The following SORCS1 variants were observed in gnomAD, a reference collection of about 807,000 sequenced individuals.
SORCS1 encodes the protein sortilin related VPS10 domain containing receptor 1, also known as VPS10 domain-containing receptor SorCS1.
Under a neutral mutation model 146.1 loss-of-function variants are expected in SORCS1, and 60 were observed. The ratio of observed to expected loss-of-function variants is 0.41; its 90% CI spans 0.33 to 0.51. The LOEUF is 0.51. SORCS1 is among the 20% of genes least tolerant of loss of function. SORCS1 has a pLI of 0.21. For synonymous variants in SORCS1, 637 were observed against 584.0 expected (o/e 1.09, Z -1.31); for missense variants, 1,352 against 1,487.6 (o/e 0.91, Z 1.50).
At chr10:106,916,968 C>T (rs1455594934) in intron 2 of SORCS1, among the ~76,000 whole-genome samples, 1 of 152,204 alleles carries the variant, frequency 6.6e-6, no homozygotes, top group Non-Finnish European at 1.5e-5. Flanking sequence ...GTCTCGAACT[C>T]CTGACCTCAG....
At chr10:106,986,393 G>A (rs113957281) in intron 1 of SORCS1, among the ~76,000 whole-genome samples, 82 of 152,062 alleles carry the variant, frequency 5.4e-4, no homozygotes, top group African/African-American at 1.9e-3. Flanking sequence ...TAGATATAAA[G>A]GAAACCATAC....
At chr10:106,875,025 T>A (rs1375724596) in intron 2 of SORCS1, among the ~76,000 whole-genome samples, 1 of 152,176 alleles carries the variant, frequency 6.6e-6, no homozygotes, top group East Asian at 1.9e-4. Context: ...ATGAATTATA[T>A]AGCGGTGAAT....
chr10:106,627,172 A>G (rs1308034722), intron 19 of SORCS1, among the ~76,000 whole-genome samples: 1 of 152,140 alleles, frequency 6.6e-6, no homozygotes, highest in East Asian at 1.9e-4. Context: ...AGACACCTCA[A>G]GGGGTATGAT....
At chr10:107,082,123 T>C (rs1431503644) in intron 1 of SORCS1, among the ~76,000 whole-genome samples, 1 of 149,356 alleles carries the variant, frequency 6.7e-6, no homozygotes, top group Non-Finnish European at 1.5e-5. Context: ...TCAGGATTTG[T>C]TTGATTTTTA....
intron 5 of SORCS1, among the ~76,000 whole-genome samples, chr10:106,741,780 G>A (rs939011833): frequency 5.3e-5 from 8 of 152,138 alleles, no homozygotes; most frequent in Non-Finnish European, 8.8e-5. Flanking sequence ...CTTCAGCTTA[G>A]ACCTTAAATA....
At chr10:106,949,398 G>C (rs1486618301) in intron 2 of SORCS1, among the ~76,000 whole-genome samples, 1 of 152,128 alleles carries the variant, frequency 6.6e-6, no homozygotes, top group African/African-American at 2.4e-5. Flanking sequence ...GGGAGGCGTT[G>C]GGACTCACTC....
chr10:107,025,126 T>A (rs2133894336), intron 1 of SORCS1, among the ~76,000 whole-genome samples: 1 of 152,248 alleles, frequency 6.6e-6, no homozygotes, highest in Non-Finnish European at 1.5e-5. Flanking sequence ...CACATCAAAA[T>A]CTAAAAAATG....
Position 106,672,860 on chromosome 10 carries a change from C to A in SORCS1, c.2058+8G>T. ...CCCAGGCCTTAGTCTCAGTTCTTTT[C>A]CTCCTACCTGGCTGTGCAGCTGCCA... is the stretch of plus-strand genomic sequence containing the variant. On this transcript the variant is annotated splice_region_variant and intron_variant, in intron 15 of 25. Coordinates refer to ENST00000263054, the MANE Select transcript of SORCS1 (RefSeq NM_052918.5). 1 of 1,611,832 alleles carries A rather than the reference C, an allele frequency of 6.2e-7. No individual in the cohort carries two copies.
chr10:106,839,676 A>ATT (rs1237238505), intron 2 of SORCS1, among the ~76,000 whole-genome samples: 1 of 152,236 alleles, frequency 6.6e-6, no homozygotes, highest in Non-Finnish European at 1.5e-5. Flanking sequence ...TTCCATTAGA[A>ATT]TTTCAAAGCT....
chr10:106,698,762 C>G (rs553431084), intron 9 of SORCS1, among the ~76,000 whole-genome samples: 2 of 152,266 alleles, frequency 1.3e-5, no homozygotes, highest in South Asian at 2.1e-4. Context: ...GCTTATTTAA[C>G]CAGAAAGGTC....
At chr10:106,713,354 T>C (rs1337898562) in intron 6 of SORCS1, among the ~76,000 whole-genome samples, 1 of 152,222 alleles carries the variant, frequency 6.6e-6, no homozygotes, top group Non-Finnish European at 1.5e-5. Flanking sequence ...AATTTCCAAC[T>C]AGAATTTTTA....
intron 2 of SORCS1, among the ~76,000 whole-genome samples, chr10:106,891,097 C>G (rs968749899): frequency 7.9e-5 from 12 of 152,134 alleles, no homozygotes; most frequent in Non-Finnish European, 1.3e-4. Flanking sequence ...CCTTCAGGAA[C>G]AGTAAAGCAA....
chr10:107,180,598 T>A, the SORCS1 span, among the ~76,000 whole-genome samples: 1 of 152,180 alleles, frequency 6.6e-6, no homozygotes, highest in African/African-American at 2.4e-5. Flanking sequence ...ATTGATGTTT[T>A]CTACCATTTT....
intron 1 of SORCS1, among the ~76,000 whole-genome samples, chr10:107,016,293 T>C (rs149478367): frequency 6.6e-6 from 1 of 152,258 alleles, no homozygotes; most frequent in East Asian, 1.9e-4. Flanking sequence ...GATACGTCCA[T>C]ATGGGAAAAC....
At chr10:107,133,505 A>C (rs933868894) in intron 1 of SORCS1, among the ~76,000 whole-genome samples, 1 of 152,142 alleles carries the variant, frequency 6.6e-6, no homozygotes, top group Non-Finnish European at 1.5e-5. Flanking sequence ...GAAGCCTTTC[A>C]ATATCCTTTA....
intron 3 of SORCS1, among the ~76,000 whole-genome samples, chr10:106,815,049 T>C (rs1947667809): frequency 6.6e-6 from 1 of 151,480 alleles, no homozygotes; most frequent in Non-Finnish European, 1.5e-5. Flanking sequence ...AACCTCCACC[T>C]CCTGGCTTCA....
chr10:106,760,569 C>T lies in SORCS1; in HGVS notation c.959+1019G>A, dbSNP rs375865181. 5.3e-5 allele frequency among the ~76,000 whole-genome samples: 8 copies of T among 151,986 alleles called. No homozygotes were observed. In the East Asian group the frequency reaches 1.2e-3, roughly 22 times the overall value. ...GAGTCGTTAGCAGGAACCAAATCTGCCGGCACATTGATCTCGAACTCCCCA... is the reference window on the plus strand; with the variant it reads ...GAGTCGTTAGCAGGAACCAAATCTGTCGGCACATTGATCTCGAACTCCCCA... On this transcript the variant is annotated intron_variant, in intron 5 of 25. Coordinates refer to ENST00000263054, the MANE Select transcript of SORCS1 (RefSeq NM_052918.5).
At chr10:106,964,732 T>G (rs768768738) in intron 1 of SORCS1, among the ~76,000 whole-genome samples, 2 of 151,964 alleles carry the variant, frequency 1.3e-5, no homozygotes, top group Non-Finnish European at 2.9e-5. Flanking sequence ...CTTATCTGCC[T>G]GCCTTGCCCT....
At chr10:106,893,125 A>T (rs1951303790) in intron 2 of SORCS1, among the ~76,000 whole-genome samples, 1 of 151,020 alleles carries the variant, frequency 6.6e-6, no homozygotes, top group African/African-American at 2.4e-5. Flanking sequence ...CTGGTCTCGA[A>T]CTCCTGACCT....
Sources: allele counts gnomAD v4.1 joint callset (sites outside exome capture counted in the v4.1 genomes callset), GRCh38; gene constraint gnomAD v4.1.1; transcripts MANE v1.5; gene names NCBI Gene and HGNC (gene_info 2026-07-23, HGNC 2026-07-21).